The following DHRSX variants were observed in gnomAD, a reference collection of about 807,000 sequenced individuals.
DHRSX encodes the protein dehydrogenase/reductase X-linked.
A neutral mutation model predicts 34.0 loss-of-function variants in DHRSX; 31 were observed. The ratio of observed to expected loss-of-function variants is 0.91; its 90% CI spans 0.69 to 1.23. The LOEUF is 1.23. Among genes scored for constraint, DHRSX ranks in the 50% most tolerant of loss-of-function variants. The probability of loss-of-function intolerance (pLI) is 0.00; values close to 1 mark genes in which losing one functional copy is unlikely to be tolerated. For synonymous variants in DHRSX, 201 were observed against 183.8 expected (o/e 1.09, Z -0.76); for missense variants, 414 against 428.1 (o/e 0.97, Z 0.29).
intron 3 of DHRSX, among the ~76,000 whole-genome samples, chrX:2,329,292 G>A (rs1010078602): frequency 4.6e-5 from 7 of 152,132 alleles, no homozygotes; most frequent in Non-Finnish European, 1.0e-4. Context: ...AGAAGGCTTT[G>A]TTTGGAGGAA....
intron 3 of DHRSX, among the ~76,000 whole-genome samples, chrX:2,339,900 G>A (rs1181636241): frequency 6.6e-6 from 1 of 151,932 alleles, no homozygotes. Flanking sequence ...GTGATTACTG[G>A]GTCAAATGGT....
At chrX:2,412,642 G>A (rs1025226141) in intron 2 of DHRSX, among the ~76,000 whole-genome samples, 8 of 151,950 alleles carry the variant, frequency 5.3e-5, no homozygotes, top group Admixed American at 3.3e-4. Flanking sequence ...CCCCATGTTC[G>A]TTGCAGCATG....
Position 2,344,374 on chromosome X carries a change from T to C in DHRSX, c.287-52771A>G, listed in dbSNP as rs766668803. On this transcript the variant is annotated intron_variant, in intron 3 of 6. Coordinates refer to ENST00000334651, the MANE Select transcript of DHRSX (RefSeq NM_145177.3). ...AGATGCTGGAGAGGATGTGGAGAAA[T>C]AGGAACGCTTTTACACTGTTATTGA... 5.3e-5 allele frequency among the ~76,000 whole-genome samples: 8 copies of C among 152,114 alleles called. No homozygotes were observed. In the East Asian group the frequency reaches 1.2e-3, roughly 22 times the overall value.
chrX:2,428,310 G>A (rs1191149985), intron 1 of DHRSX, among the ~76,000 whole-genome samples: 4 of 151,914 alleles, frequency 2.6e-5, no homozygotes, highest in South Asian at 2.1e-4. Context: ...CCACTATAAC[G>A]ACACACACAC....
intron 1 of DHRSX, among the ~76,000 whole-genome samples, chrX:2,438,334 T>A (rs1479889014): frequency 1.8e-5 from 2 of 108,480 alleles, no homozygotes; most frequent in Admixed American, 9.8e-5. Flanking sequence ...CACATATATA[T>A]GCATTCATCT....
chrX:2,346,825 G>C (rs949939913), intron 3 of DHRSX, among the ~76,000 whole-genome samples: 13 of 151,992 alleles, frequency 8.6e-5, no homozygotes, highest in Non-Finnish European at 1.5e-4. Flanking sequence ...ACAGGCCCCA[G>C]TGTGTGATGT....
intron 6 of DHRSX, among the ~76,000 whole-genome samples, chrX:2,237,892 G>T (rs997194048): frequency 6.6e-6 from 1 of 152,032 alleles, no homozygotes; most frequent in Non-Finnish European, 1.5e-5. Context: ...CCCTAGGAGG[G>T]GTATACATTG....
chrX:2,405,707 G>A (rs995571723), intron 3 of DHRSX, among the ~76,000 whole-genome samples: 1 of 152,018 alleles, frequency 6.6e-6, no homozygotes, highest in Non-Finnish European at 1.5e-5. Flanking sequence ...TGAGGCAGGA[G>A]AAACACTTGG....
At chrX:2,302,893 T>TA in intron 3 of DHRSX, among the ~76,000 whole-genome samples, 1 of 152,272 alleles carries the variant, frequency 6.6e-6, no homozygotes, top group Non-Finnish European at 1.5e-5. Flanking sequence ...TCTACGGCAG[T>TA]TATCAATCTG....
intron 1 of DHRSX, among the ~76,000 whole-genome samples, chrX:2,432,538 A>G (rs1603088162): frequency 1.3e-5 from 2 of 152,300 alleles, no homozygotes; most frequent in Admixed American, 6.5e-5. Context: ...ACAGGGTACA[A>G]TTTCCAAAAA....
chrX:2,339,836 CATGTGTCTTTA>C (rs1234939177), intron 3 of DHRSX, among the ~76,000 whole-genome samples: 1 of 152,042 alleles, frequency 6.6e-6, no homozygotes, highest in African/African-American at 2.4e-5. Context: ...CATACGTGTG[CATGTGTCTTTA>C]TAGTAGAATG....
At chrX:2,490,239 C>T (rs1177235504) in intron 1 of DHRSX, 2 of 1,613,934 alleles carry the variant, frequency 1.2e-6, no homozygotes, top group Non-Finnish European at 8.5e-7. Context: ...CTGGGCAGCT[C>T]ATACCGGGGG....
chrX:2,437,385 C>T (rs1308207870), intron 1 of DHRSX, among the ~76,000 whole-genome samples: 2 of 152,082 alleles, frequency 1.3e-5, no homozygotes, highest in African/African-American at 4.8e-5. Flanking sequence ...GTAGAAAAAT[C>T]ACTAGGTCAG....
At chrX:2,285,130 G>A (rs2041789278) in intron 4 of DHRSX, among the ~76,000 whole-genome samples, 1 of 152,194 alleles carries the variant, frequency 6.6e-6, no homozygotes, top group Admixed American at 6.5e-5. Flanking sequence ...GAAGGTGGAG[G>A]TGGAATGTGG....
At chrX:2,453,759 A>T (rs1417104104) in intron 1 of DHRSX, among the ~76,000 whole-genome samples, 4 of 152,192 alleles carry the variant, frequency 2.6e-5, no homozygotes, top group Admixed American at 2.6e-4. Context: ...GATGATAGTT[A>T]ATAATACATC....
chrX:2,486,399 G>C (rs2044929474), intron 1 of DHRSX: 1 of 152,180 alleles, frequency 6.6e-6, no homozygotes, highest in Non-Finnish European at 1.5e-5. Flanking sequence ...CTGCAGTCCA[G>C]ACGGACACGC....
chrX:2,350,621 G>A (rs1269620318), intron 3 of DHRSX, among the ~76,000 whole-genome samples: 1 of 152,034 alleles, frequency 6.6e-6, no homozygotes, highest in Non-Finnish European at 1.5e-5. Context: ...ATAAGGTTTT[G>A]GTATATAACA....
intron 1 of DHRSX, among the ~76,000 whole-genome samples, chrX:2,467,977 A>C (rs1201987779): frequency 7.0e-6 from 1 of 143,312 alleles, no homozygotes; most frequent in African/African-American, 2.7e-5. Flanking sequence ...AAAAAAAAAA[A>C]AAATGTTGGA....
At chrX:2,479,279 C>T (rs1224415656) in intron 1 of DHRSX, among the ~76,000 whole-genome samples, 1 of 151,490 alleles carries the variant, frequency 6.6e-6, no homozygotes, top group Non-Finnish European at 1.5e-5. Flanking sequence ...TGAAGACATT[C>T]CCTAAGCATG....
Sources: gnomAD v4.1 joint callset for allele counts (sites outside exome capture counted in the v4.1 genomes callset) on GRCh38, gnomAD v4.1.1 for gene constraint, MANE v1.5 for transcripts, NCBI Gene and HGNC (gene_info 2026-07-23, HGNC 2026-07-21) for gene names.